The following LARP4B variants were observed in gnomAD, a reference collection of about 807,000 sequenced individuals.
LARP4B encodes the protein La ribonucleoprotein 4B, also known as la-related protein 4B.
Under a neutral mutation model 89.8 loss-of-function variants are expected in LARP4B, and 12 were observed. The ratio of observed to expected loss-of-function variants is 0.13; its 90% confidence interval spans 0.09 to 0.22. The LOEUF is 0.22. Among genes scored for constraint, LARP4B ranks in the 10% least tolerant of loss-of-function variants. The pLI is 1.00. For synonymous variants in LARP4B, 367 were observed against 363.3 expected, an observed-to-expected ratio of 1.01 and a Z score of -0.12; for missense variants, 757 against 947.7, an observed-to-expected ratio of 0.80 and a Z score of 2.64.
At chr10:904,276 G>A (rs193037859) in intron 1 of LARP4B, among the ~76,000 whole-genome samples, 11 of 152,076 alleles carry the variant, frequency 7.2e-5, no homozygotes, top group Middle Eastern at 3.4e-3. Flanking sequence ...AAAATAGGCC[G>A]GGTGCAGTGG....
upstream of LARP4B, among the ~76,000 whole-genome samples, chr10:935,805 G>A (rs1201560836): frequency 2.9e-5 from 4 of 139,524 alleles, no homozygotes; most frequent in Non-Finnish European, 6.0e-5. Flanking sequence ...TGCAACCTGC[G>A]CCTACCGAGT....
In LARP4B at chr10:845,019, G is replaced by A. The variant is rs1384562139; in HGVS notation, c.467C>T (p.Pro156Leu). The A allele has an allele frequency of 1.7e-5, 28 of 1,607,226 alleles. No individual in the cohort carries two copies. The highest frequency in any genetic ancestry group is 2.3e-5 in the Non-Finnish European group (27 of 1,177,990). Residue 156 changes from proline (P) to leucine (L), a missense_variant, in exon 6 of 18, where the codon CCC becomes CTC. Coordinates refer to ENST00000316157, the MANE Select transcript of LARP4B (RefSeq NM_015155.3). ...NESQPDSQED[P>L]REVLKKTLEF... is the part of the protein sequence containing the mutation. The stretch of plus-strand genomic sequence containing the variant: ...CAATGTTTTTTTAAGTACTTCTCGG[G>A]GGTCTTCCTGGCTGTCTGGTTGAGA...
At chr10:981,574 T>C in the LARP4B span, among the ~76,000 whole-genome samples, 4 of 152,140 alleles carry the variant, frequency 2.6e-5, no homozygotes, top group African/African-American at 9.7e-5. Flanking sequence ...TTTTTTTTGT[T>C]TCGTTTTGTT....
chr10:881,231 C>T (rs1835654657), intron 3 of LARP4B, among the ~76,000 whole-genome samples: 1 of 152,152 alleles, frequency 6.6e-6, no homozygotes, highest in Non-Finnish European at 1.5e-5. Context: ...CCAGTGGTCA[C>T]TCTTCATCAT....
intron 1 of LARP4B, among the ~76,000 whole-genome samples, chr10:904,690 G>A (rs35667562): frequency 0.11 from 16,723 of 152,304 alleles, 1,168 homozygotes; most frequent in Non-Finnish European, 0.16. Context: ...TGAAAAGTCT[G>A]CTGCTGCTGT....
the LARP4B span, chr10:987,987 G>A: frequency 6.5e-6 from 1 of 153,560 alleles, no homozygotes; most frequent in African/African-American, 2.4e-5. Context: ...CCCAGAGGCT[G>A]GGCACGCCCC....
At chr10:896,561 A>T (rs1836194867) in intron 1 of LARP4B, among the ~76,000 whole-genome samples, 2 of 152,200 alleles carry the variant, frequency 1.3e-5, no homozygotes, top group Admixed American at 1.3e-4. Context: ...TGTTTTGGAA[A>T]ATACTACTAC....
At position 903,435 on chromosome 10, in the gene LARP4B, G is replaced by A. The variant is rs951105263; in HGVS notation, c.-39-17675C>T. The A allele has an allele frequency of 3.3e-5, 5 of 152,250 alleles. No individual in the cohort carries two copies. In the East Asian group the frequency reaches 5.8e-4, roughly 18 times the overall value. The allele number at this position is 152,250 out of a possible 1,614,324, so 9.4% of individuals were successfully genotyped here. A position where few individuals can be genotyped will look rare whatever the true frequency, so the allele number is the denominator to read the frequency against. On this transcript the variant is annotated intron_variant, in intron 1 of 17. Coordinates refer to ENST00000316157, the MANE Select transcript of LARP4B (RefSeq NM_015155.3). ...CATATATAAACTTATCTTACTGCACGGCTTTAATTCCATTTTGAATATGTA... is the reference window on the plus strand; with the variant it reads ...CATATATAAACTTATCTTACTGCACAGCTTTAATTCCATTTTGAATATGTA...
chr10:818,293 T>G (rs1347443231), intron 14 of LARP4B: 1 of 160,418 alleles, frequency 6.2e-6, no homozygotes, highest in Non-Finnish European at 1.4e-5. Context: ...AGACAAGTGT[T>G]GTGTTACTAC....
intron 1 of LARP4B, among the ~76,000 whole-genome samples, chr10:894,511 T>A (rs1188131584): frequency 6.6e-6 from 1 of 152,152 alleles, no homozygotes; most frequent in Admixed American, 6.5e-5. Flanking sequence ...TCAAATAAAT[T>A]AGGTTTAAAA....
chr10:882,539 C>T (rs1039984913), intron 3 of LARP4B, among the ~76,000 whole-genome samples: 4 of 152,128 alleles, frequency 2.6e-5, no homozygotes, highest in Non-Finnish European at 4.4e-5. Flanking sequence ...AGGCGTGTGC[C>T]ACCACACCTG....
chr10:815,007 G>A lies in LARP4B; in HGVS notation c.1759C>T (p.Pro587Ser), dbSNP rs994919022. 2.5e-6 allele frequency: 4 copies of A among 1,609,312 alleles called. No homozygotes were observed. In the African/African-American group the frequency reaches 4.0e-5, roughly 16 times the overall value. ...GTTGCTGATACAGCACAAGAAGCCG[G>A]CACCGAGGGCTCTCTGGAGACCACT... ...PVVVSREPSV[P>S]ASCAVSATYE... Residue 587 changes from proline (P) to serine (S), a missense_variant, in exon 16 of 18, where the codon CCG becomes TCG. Physicochemically the swap from Pro to Ser is moderately conservative, Grantham distance 74. This residue lies in a region of LARP4B where 387 missense variants were observed against 423.6 expected (regional missense o/e 0.91). Coordinates refer to ENST00000316157, the MANE Select transcript of LARP4B (RefSeq NM_015155.3).
intron 1 of LARP4B, among the ~76,000 whole-genome samples, chr10:926,726 C>T (rs1361950778): frequency 6.6e-6 from 1 of 152,212 alleles, no homozygotes; most frequent in African/African-American, 2.4e-5. Context: ...AAAAACTAAG[C>T]AGTACGCTTT....
At chr10:826,971 C>CT (rs772830265) in intron 11 of LARP4B, among the ~76,000 whole-genome samples, 7 of 152,128 alleles carry the variant, frequency 4.6e-5, no homozygotes, top group African/African-American at 1.2e-4. Flanking sequence ...AAGAATCGGA[C>CT]TTTTTAAAAT....
At chr10:967,490 G>T in the LARP4B span, among the ~76,000 whole-genome samples, 4 of 152,122 alleles carry the variant, frequency 2.6e-5, no homozygotes, top group Admixed American at 2.0e-4. Context: ...AAAAATAAAA[G>T]AATAAAGATA....
chr10:909,159 TGGTG>T (rs1302962114), intron 1 of LARP4B, among the ~76,000 whole-genome samples: 180 of 151,956 alleles, frequency 1.2e-3, no homozygotes, highest in African/African-American at 4.1e-3. Flanking sequence ...CCGGGCATGG[TGGTG>T]GGCACTTGTA....
chr10:870,848 A>G (rs1387193571), intron 3 of LARP4B, among the ~76,000 whole-genome samples: 4 of 152,196 alleles, frequency 2.6e-5, no homozygotes, highest in African/African-American at 9.7e-5. Flanking sequence ...ATTCTCTACT[A>G]TTTCTGACTT....
At chr10:861,453 T>C (rs956604745) in intron 5 of LARP4B, among the ~76,000 whole-genome samples, 2 of 152,176 alleles carry the variant, frequency 1.3e-5, no homozygotes, top group African/African-American at 4.8e-5. Context: ...AGGGAGTAGG[T>C]GGAGGCAGAT....
rs1382342111 is a variant in LARP4B at position 863,849 on chromosome 10, A to G, written c.324T>C (p.His108=). The G allele has an allele frequency of 6.2e-7, 1 of 1,613,048 alleles. No homozygotes were observed. The highest frequency in any genetic ancestry group is 8.5e-7 in the Non-Finnish European group (1 of 1,179,202). The part of the protein sequence containing the change: ...SDANGDGDQG[H]ENAALPDPQE... ...GCGGGTCTGGCAATGCGGCATTCTC[A>G]TGGCCCTGGTCACCATCACCATTGG... The change falls in exon 5 of 18, where the codon CAT becomes CAC. Residue 108 remains histidine, a synonymous_variant. Coordinates refer to ENST00000316157, the MANE Select transcript of LARP4B (RefSeq NM_015155.3).
Sources: gnomAD v4.1 joint callset for allele counts (sites outside exome capture counted in the v4.1 genomes callset) on GRCh38, gnomAD v4.1.1 for gene constraint, gnomAD v4.1.1 regional missense constraint, MANE v1.5 for transcripts, NCBI Gene and HGNC (gene_info 2026-07-23, HGNC 2026-07-21) for gene names.